Variants in FAM135A observed in about 807,000 individuals in gnomAD.
FAM135A encodes family with sequence similarity 135 member A.
In FAM135A, 79 loss-of-function variants were observed where a neutral mutation model predicts 146.8. That is an observed-to-expected ratio of 0.54 (90% confidence interval 0.45 to 0.65). The LOEUF (loss-of-function observed/expected upper bound fraction) is 0.65. Among genes scored for constraint, FAM135A ranks in the 30% least tolerant of loss-of-function variants. The probability of loss-of-function intolerance (pLI) is 0.00; values close to 1 mark genes in which losing one functional copy is unlikely to be tolerated. For missense variants in FAM135A, 1,623 were observed against 1,758.2 expected (o/e 0.92, Z 1.38); for synonymous variants, 562 against 603.6 (o/e 0.93, Z 1.01).
In FAM135A at chr6:70,525,138, A is replaced by G; in HGVS notation, c.2054A>G (p.Glu685Gly). Residue 685 changes from glutamate to glycine, a missense_variant, in exon 15 of 22, where the codon GAG becomes GGG. Glu to Gly is a moderately conservative substitution (Grantham distance 98, BLOSUM62 -2). This residue lies in a region of FAM135A where 1,061 missense variants were observed against 1,113.8 expected (regional missense o/e 0.95). Transcript: ENST00000418814. Reference protein sequence around the residue: ...KLGPWTELRQEEILVDNLLPN... With the variant: ...KLGPWTELRQGEILVDNLLPN... Reference sequence around the variant, plus strand: ...GGACCTTGGACAGAGCTTCGACAAGAGGAAATACTTGTGGATAATTTACTA... The same window carrying G: ...GGACCTTGGACAGAGCTTCGACAAGGGGAAATACTTGTGGATAATTTACTA... The G allele has an allele frequency of 6.4e-7, 1 of 1,570,022 alleles. No homozygotes were observed. Among genetic ancestry groups the G allele is most frequent in the Non-Finnish European group, 8.6e-7 (1 of 1,162,892 alleles).
At chr6:70,436,441 T>C (rs759438175) in intron 4 of FAM135A, among the ~76,000 whole-genome samples, 5 of 152,204 alleles carry the variant, frequency 3.3e-5, no homozygotes, top group African/African-American at 1.2e-4. Flanking sequence ...ATATAAATAT[T>C]TCTTTCATTG....
intron 20 of FAM135A, among the ~76,000 whole-genome samples, chr6:70,554,268 C>T (rs1214610645): frequency 6.6e-6 from 1 of 152,182 alleles, no homozygotes; most frequent in African/African-American, 2.4e-5. Context: ...TTCTCAGTTA[C>T]TTTATTTGGA....
Position 70,533,217 on chromosome 6 carries a change from G to A in FAM135A, c.3833G>A (p.Gly1278Glu). ...TACATTGAACTTGGATTGCCTGGGG[G>A]AAGAATTGATTTTCTTATGTCTGAG... Reference protein sequence around the residue: ...KTYIELGLPGGRIDFLMSERN... With the variant: ...KTYIELGLPGERIDFLMSERN... Residue 1278 changes from glycine (G) to glutamate (E), a missense_variant, in exon 17 of 22, where the codon GGA becomes GAA. Gly to Glu is a moderately conservative substitution (Grantham distance 98). Coordinates refer to ENST00000418814, the MANE Select transcript of FAM135A (RefSeq NM_001162529.3). 1 of 1,613,340 alleles carries A rather than the reference G, an allele frequency of 6.2e-7. No homozygotes were observed. Among genetic ancestry groups the A allele is most frequent in the Non-Finnish European group, 8.5e-7 (1 of 1,179,584 alleles).
At chr6:70,502,571 ATTATAT>A in intron 11 of FAM135A, 59 bp from the exon 12 acceptor site, 1 of 1,505,820 alleles carries the variant, frequency 6.6e-7, no homozygotes, top group Non-Finnish European at 9.0e-7. Flanking sequence ...TCTCAATAAC[ATTATAT>A]TTAAGTATGT....
chr6:70,526,794 CA>C, intron 15 of FAM135A, 96 bp downstream of exon 15: 1 of 765,742 alleles, frequency 1.3e-6, no homozygotes, highest in Non-Finnish European at 1.9e-6. Flanking sequence ...CACACACACA[CA>C]CACACACATA....
At chr6:70,416,182 G>A (rs1767519360) in intron 2 of FAM135A, among the ~76,000 whole-genome samples, 1 of 152,170 alleles carries the variant, frequency 6.6e-6, no homozygotes, top group African/African-American at 2.4e-5. Flanking sequence ...TTGAGAAGCA[G>A]CAGTTCTAAT....
chr6:70,477,010 T>TA (rs755263278), intron 7 of FAM135A, 149 bp from the exon 8 acceptor site: 65 of 741,790 alleles, frequency 8.8e-5, no homozygotes, highest in Middle Eastern at 8.0e-4. Flanking sequence ...ATATTGCTTC[T>TA]AATGCAACTT....
At chr6:70,486,341 A>G (rs953506511) in intron 10 of FAM135A, 1 of 986,470 alleles carries the variant, frequency 1.0e-6, no homozygotes, top group South Asian at 1.5e-5. Context: ...TGTATATTTA[A>G]TAATGTGGTA....
At chr6:70,445,852 G>A (rs187040365) in intron 4 of FAM135A, among the ~76,000 whole-genome samples, 3 of 152,194 alleles carry the variant, frequency 2.0e-5, no homozygotes, top group Admixed American at 6.5e-5. Context: ...TTCGGGGCGG[G>A]GGGGGCTGTT....
At chr6:70,516,471 CAGTGA>C (rs1792236528) in intron 12 of FAM135A, among the ~76,000 whole-genome samples, 1 of 150,662 alleles carries the variant, frequency 6.6e-6, no homozygotes, top group African/African-American at 2.4e-5. Flanking sequence ...ACCAGAGTGT[CAGTGA>C]ATTCTTATTA....
At chr6:70,540,811 A>G (rs189061933) in intron 20 of FAM135A, among the ~76,000 whole-genome samples, 98 of 152,344 alleles carry the variant, frequency 6.4e-4, no homozygotes, top group Middle Eastern at 3.4e-3. Context: ...AAAAAAGATC[A>G]CACAGACATG....
intron 7 of FAM135A, among the ~76,000 whole-genome samples, chr6:70,476,799 AATAGT>A (rs1209883966): frequency 6.6e-6 from 1 of 152,094 alleles, no homozygotes; most frequent in African/African-American, 2.4e-5. Flanking sequence ...GATTTATTAT[AATAGT>A]ATTTGACCTA....
At chr6:70,516,431 A>G (rs1368641614) in intron 12 of FAM135A, among the ~76,000 whole-genome samples, 3 of 152,050 alleles carry the variant, frequency 2.0e-5, no homozygotes, top group Non-Finnish European at 4.4e-5. Flanking sequence ...CCTAGATTCT[A>G]ATGTGGACCC....
intron 10 of FAM135A, among the ~76,000 whole-genome samples, chr6:70,484,770 A>C (rs1003060663): frequency 6.6e-6 from 1 of 152,232 alleles, no homozygotes; most frequent in Non-Finnish European, 1.5e-5. Context: ...CCTGCTGTGC[A>C]GTCCAGTTCC....
intron 10 of FAM135A, among the ~76,000 whole-genome samples, 197 bp downstream of exon 10, chr6:70,482,351 A>T (rs1284223702): frequency 1.3e-5 from 2 of 151,950 alleles, no homozygotes; most frequent in Non-Finnish European, 2.9e-5. Context: ...GAATACTAAA[A>T]AATAACTTCT....
intron 5 of FAM135A, among the ~76,000 whole-genome samples, chr6:70,461,477 CAT>C (rs140295902): frequency 0.019 from 2,865 of 152,172 alleles, 94 homozygotes; most frequent in African/African-American, 0.065. Context: ...AGAACTGAAA[CAT>C]AATTTTTCTG....
Position 70,482,978 on chromosome 6 carries a change from G to A in FAM135A, c.823+824G>A, listed in dbSNP as rs144473727. ...TTGCCTTTTAAAATTTATTGAATCT[G>A]TATTCTTACTTTATTCCTTTGTTCC... On this transcript the variant is annotated intron_variant, in intron 10 of 21. Coordinates refer to ENST00000418814, the MANE Select transcript of FAM135A (RefSeq NM_001162529.3). Among the ~76,000 whole-genome samples the A allele has an allele frequency of 6.5e-3, 988 of 151,986 alleles. 7 individuals carry two copies. Among genetic ancestry groups the A allele is most frequent in the Middle Eastern group, 0.02 (6 of 294 alleles).
chr6:70,434,319 A>G (rs562021176), intron 4 of FAM135A, among the ~76,000 whole-genome samples: 3 of 152,312 alleles, frequency 2.0e-5, no homozygotes, highest in Admixed American at 2.0e-4. Flanking sequence ...TAGGTTTTAA[A>G]GTGGGGGAAA....
chr6:70,550,769 C>T (rs1224740458), intron 20 of FAM135A, among the ~76,000 whole-genome samples: 1 of 152,196 alleles, frequency 6.6e-6, no homozygotes, highest in Non-Finnish European at 1.5e-5. Flanking sequence ...GCATTGATTC[C>T]TTTCTATCTA....
Sources: gnomAD v4.1 joint callset for allele counts (sites outside exome capture counted in the v4.1 genomes callset) on GRCh38, gnomAD v4.1.1 for gene constraint, gnomAD v4.1.1 regional missense constraint, MANE v1.5 for transcripts, NCBI Gene and HGNC (gene_info 2026-07-23, HGNC 2026-07-21) for gene names.